The following PRICKLE2 variants were observed in gnomAD, a reference collection of about 807,000 sequenced individuals.
The protein encoded by PRICKLE2 is prickle planar cell polarity protein 2.
PRICKLE2 carries 21 observed loss-of-function variants against 81.4 expected under a neutral mutation model. The observed-to-expected ratio is 0.26, with a 90% confidence interval of 0.18 to 0.37. PRICKLE2 has a LOEUF of 0.37. PRICKLE2 is among the 10% of genes least tolerant of loss of function. PRICKLE2 has a pLI of 1.00. For synonymous variants in PRICKLE2, 456 were observed against 421.5 expected, an observed-to-expected ratio of 1.08 and a Z score of -1.00; for missense variants, 940 against 1,109.0, an observed-to-expected ratio of 0.85 and a Z score of 2.16.
chr3:64,111,097 G>GT (rs2106952625), intron 7 of PRICKLE2, among the ~76,000 whole-genome samples: 1 of 152,116 alleles, frequency 6.6e-6, no homozygotes, highest in Admixed American at 6.5e-5. Flanking sequence ...CCTTGAAGCT[G>GT]TGCCTTCTCA....
chr3:64,197,444 G>A (rs62251775), intron 2 of PRICKLE2, among the ~76,000 whole-genome samples: 53,981 of 151,896 alleles, frequency 0.36, 11,105 homozygotes, highest in Admixed American at 0.47. Flanking sequence ...GGATTGTTTG[G>A]TTTTTCTTGT....
chr3:64,147,093 TTGA>T lies in PRICKLE2; in HGVS notation c.1394_1396del (p.Ile465del). 2 of 1,614,164 alleles carry T rather than the reference TTGA, an allele frequency of 1.2e-6. No homozygotes were observed. Among genetic ancestry groups the T allele is most frequent in the Non-Finnish European group, 1.7e-6 (2 of 1,180,022 alleles). On this transcript the variant is annotated inframe_deletion, in exon 7 of 8. Transcript: ENST00000638394. This position sits in a 1 kb window ranked among gnomAD's most constrained non-coding sequence, Gnocchi z 5.0. Reference sequence around the variant, plus strand: ...CGGGTAATAGTCTTCTCGGCATTCCTTGATGAAGCTGCCAGCATGTCCTGTCAT... The same window carrying T: ...CGGGTAATAGTCTTCTCGGCATTCCTTGAAGCTGCCAGCATGTCCTGTCAT...
At chr3:64,133,309 T>A (rs2077224940) in intron 7 of PRICKLE2, among the ~76,000 whole-genome samples, 1 of 152,030 alleles carries the variant, frequency 6.6e-6, no homozygotes, top group South Asian at 2.1e-4. Flanking sequence ...TTGGGTTGTA[T>A]AAAGGGGAGC....
At chr3:64,100,837 G>A (rs1407380112) in intron 7 of PRICKLE2, 1 of 152,202 alleles carries the variant, frequency 6.6e-6, no homozygotes, top group Non-Finnish European at 1.5e-5. Context: ...GTTTAAGAAT[G>A]GGCCAGGTGG....
intron 2 of PRICKLE2, among the ~76,000 whole-genome samples, chr3:64,169,103 A>T (rs1352670745): frequency 6.6e-6 from 1 of 152,182 alleles, no homozygotes; most frequent in Non-Finnish European, 1.5e-5. Context: ...CATTCTGGCC[A>T]ATGACACGGA....
intron 2 of PRICKLE2, chr3:64,194,384 G>A (rs1425163906): frequency 6.6e-6 from 1 of 152,234 alleles, no homozygotes; most frequent in African/African-American, 2.4e-5. Context: ...ATTCTGCTGA[G>A]ATGTCCTCCA....
At chr3:64,231,086 C>CT (rs1438604321) in intron 2 of PRICKLE2, among the ~76,000 whole-genome samples, 3 of 152,076 alleles carry the variant, frequency 2.0e-5, no homozygotes, top group Non-Finnish European at 4.4e-5. Flanking sequence ...TCCTTTTTCC[C>CT]TATCATCTTA....
chr3:64,226,863 A>G (rs2079038638), upstream of PRICKLE2, among the ~76,000 whole-genome samples: 1 of 152,176 alleles, frequency 6.6e-6, no homozygotes, highest in Non-Finnish European at 1.5e-5. Flanking sequence ...GAGTGAAAGT[A>G]AAGGGTGAGG....
chr3:64,196,985 G>A (rs999519676), intron 2 of PRICKLE2, among the ~76,000 whole-genome samples: 3 of 152,168 alleles, frequency 2.0e-5, no homozygotes, highest in African/African-American at 7.2e-5. Context: ...ATACCTTGCT[G>A]GCTAAACAAA....
At chr3:64,258,990 G>C (rs567632929) in intron 2 of PRICKLE2, among the ~76,000 whole-genome samples, 3 of 152,096 alleles carry the variant, frequency 2.0e-5, no homozygotes, top group South Asian at 4.2e-4. Flanking sequence ...TGGTAACACT[G>C]GTATATTTAG....
At chr3:64,182,172 G>C (rs924010734) in intron 2 of PRICKLE2, among the ~76,000 whole-genome samples, 1 of 152,062 alleles carries the variant, frequency 6.6e-6, no homozygotes, top group Non-Finnish European at 1.5e-5. Context: ...GCTTGGAATA[G>C]ATTAATGCTG....
chr3:64,219,398 C>T (rs144999812), intron 1 of PRICKLE2, among the ~76,000 whole-genome samples: 2 of 152,260 alleles, frequency 1.3e-5, no homozygotes, highest in African/African-American at 2.4e-5. Flanking sequence ...TCCCTCTCTC[C>T]GAACTCCCAT....
At chr3:64,238,790 G>A (rs1478792088) in intron 2 of PRICKLE2, among the ~76,000 whole-genome samples, 2 of 152,172 alleles carry the variant, frequency 1.3e-5, no homozygotes. Flanking sequence ...AGGTAATGCA[G>A]GTAAAATTGC....
chr3:64,260,117 T>C (rs2079594820), intron 2 of PRICKLE2, among the ~76,000 whole-genome samples: 1 of 152,200 alleles, frequency 6.6e-6, no homozygotes, highest in African/African-American at 2.4e-5. Context: ...GTCATGCTTA[T>C]TGTCCCTTAT....
intron 2 of PRICKLE2, among the ~76,000 whole-genome samples, chr3:64,179,019 C>CTTTCT (rs1553648498): frequency 7.6e-5 from 10 of 132,238 alleles, no homozygotes; most frequent in African/African-American, 2.9e-4. Flanking sequence ...TTCTTTCTTT[C>CTTTCT]TTTCTTTCTT....
intron 1 of PRICKLE2, among the ~76,000 whole-genome samples, chr3:64,213,735 C>T (rs1268883108): frequency 6.6e-6 from 1 of 150,930 alleles, no homozygotes; most frequent in African/African-American, 2.5e-5. Flanking sequence ...GTGCCAAGCT[C>T]TGTGTCAAAC....
chr3:64,150,226 C>G (rs1003948500), intron 6 of PRICKLE2, among the ~76,000 whole-genome samples: 1 of 152,012 alleles, frequency 6.6e-6, no homozygotes, highest in African/African-American at 2.4e-5. Flanking sequence ...CCCACAGCAG[C>G]TGGTTGTAAA....
chr3:64,151,901 G>C (rs899703477), intron 6 of PRICKLE2, among the ~76,000 whole-genome samples: 3 of 152,126 alleles, frequency 2.0e-5, no homozygotes, highest in Non-Finnish European at 2.9e-5. Flanking sequence ...TAGGGGATGG[G>C]AAATTTGCCA....
chr3:64,134,022 C>T (rs189268274), intron 7 of PRICKLE2, among the ~76,000 whole-genome samples: 51 of 152,278 alleles, frequency 3.3e-4, no homozygotes, highest in African/African-American at 1.2e-3. Flanking sequence ...GATCAGGGTA[C>T]CAAATAATAC....
Sources: allele counts gnomAD v4.1 joint callset (sites outside exome capture counted in the v4.1 genomes callset), GRCh38; gene constraint gnomAD v4.1.1; non-coding constraint Gnocchi (gnomAD v3.1); transcripts MANE v1.5; gene names NCBI Gene and HGNC (gene_info 2026-07-23, HGNC 2026-07-21).